FAM107B: variants seen among roughly 807,000 people sequenced by gnomAD.
The protein encoded by FAM107B is family with sequence similarity 107 member B.
In FAM107B, 21 loss-of-function variants were observed where a neutral mutation model predicts 31.5. The ratio of observed to expected loss-of-function variants is 0.67; its 90% CI spans 0.47 to 0.96. FAM107B has a LOEUF of 0.96. FAM107B is among the 40% of genes least tolerant of loss of function. The pLI is 0.00. For missense variants in FAM107B, 452 were observed against 377.1 expected, an observed-to-expected ratio of 1.20 and a Z score of -1.64; for synonymous variants, 157 against 141.5, an observed-to-expected ratio of 1.11 and a Z score of -0.78.
chr10:14,634,749 T>C (rs779482473), intron 2 of FAM107B, among the ~76,000 whole-genome samples: 23 of 152,064 alleles, frequency 1.5e-4, no homozygotes, highest in African/African-American at 1.9e-4. Context: ...ATGCCATCAC[T>C]GTGGGGGTGG....
chr10:14,641,100 C>G (rs138921423), intron 2 of FAM107B, among the ~76,000 whole-genome samples: 2 of 152,140 alleles, frequency 1.3e-5, no homozygotes, highest in Non-Finnish European at 2.9e-5. Flanking sequence ...AAGGGGAAAA[C>G]GTGCTTTCAC....
At chr10:14,734,779 C>T (rs1856259937) in intron 1 of FAM107B, among the ~76,000 whole-genome samples, 1 of 152,122 alleles carries the variant, frequency 6.6e-6, no homozygotes. Flanking sequence ...GAGTCTTGCT[C>T]AGTCACCCAG....
At chr10:14,674,996 A>C (rs1854647740) in intron 1 of FAM107B, among the ~76,000 whole-genome samples, 1 of 152,146 alleles carries the variant, frequency 6.6e-6, no homozygotes, top group African/African-American at 2.4e-5. Flanking sequence ...TTGTCCACGT[A>C]TGTTTTTAAG....
At chr10:14,563,398 T>C (rs1479382642) in intron 2 of FAM107B, among the ~76,000 whole-genome samples, 1 of 152,242 alleles carries the variant, frequency 6.6e-6, no homozygotes, top group Non-Finnish European at 1.5e-5. Flanking sequence ...TACACACCTC[T>C]TTTCATTTTT....
chr10:14,667,720 G>A (rs769050032), intron 1 of FAM107B, 29 bp from the exon 2 acceptor site: 3 of 1,612,730 alleles, frequency 1.9e-6, no homozygotes, highest in South Asian at 2.2e-5. Context: ...AACCAGAAAA[G>A]CAGGGAGAAA....
chr10:14,561,504 CAGCGAAGAGGCCTGACCAGGTA>C (rs1850239779), intron 2 of FAM107B, among the ~76,000 whole-genome samples: 1 of 152,170 alleles, frequency 6.6e-6, no homozygotes, highest in Admixed American at 6.5e-5. Context: ...TAGGTAGGGA[CAGCGAAGAGGCCTGACCAGGTA>C]AGCGGCAGGG....
intron 2 of FAM107B, among the ~76,000 whole-genome samples, chr10:14,661,102 C>A (rs1854227034): frequency 6.6e-6 from 1 of 152,226 alleles, no homozygotes; most frequent in Non-Finnish European, 1.5e-5. Context: ...TCACCTTCTG[C>A]CACAACTGTA....
In FAM107B at chr10:14,629,389, ATAATATATAT is replaced by A. The variant is rs1564606701; in HGVS notation, c.469+38235_469+38244del. On this transcript the variant is annotated intron_variant, in intron 2 of 4. Coordinates refer to ENST00000181796, the MANE Select transcript of FAM107B (RefSeq NM_031453.4). The stretch of plus-strand genomic sequence containing the variant: ...TATATATTTAATATATATAATATAT[ATAATATATAT>A]TATATATTTAATATATATAATATAT... Among the ~76,000 whole-genome samples the A allele has an allele frequency of 3.0e-5, 2 of 67,462 alleles. 1 individual carries two copies. The highest frequency in any genetic ancestry group is 1.3e-4 in the African/African-American group (2 of 15,222). The allele number at this position is 67,462 out of a possible 152,430, so 44.3% of individuals were successfully genotyped here.
chr10:14,563,911 T>C (rs1409465363), intron 2 of FAM107B, among the ~76,000 whole-genome samples: 1 of 152,188 alleles, frequency 6.6e-6, no homozygotes. Flanking sequence ...TGGTTTTCAC[T>C]TTAAAAAATC....
intron 2 of FAM107B, among the ~76,000 whole-genome samples, chr10:14,563,936 T>A (rs1376650460): frequency 1.3e-5 from 2 of 151,922 alleles, no homozygotes; most frequent in East Asian, 3.9e-4. Flanking sequence ...AAGAGATAAA[T>A]AAAACAATGT....
At chr10:14,709,216 C>T (rs761891024) in intron 1 of FAM107B, among the ~76,000 whole-genome samples, 16 of 152,136 alleles carry the variant, frequency 1.1e-4, no homozygotes, top group Non-Finnish European at 2.2e-4. Context: ...TGACTGGAAA[C>T]GTATGTCCAC....
chr10:14,585,498 G>A (rs933061106), intron 2 of FAM107B, among the ~76,000 whole-genome samples: 6 of 152,206 alleles, frequency 3.9e-5, no homozygotes, highest in African/African-American at 1.4e-4. Context: ...GCCAGGAAAA[G>A]CAAGTACAGT....
intron 1 of FAM107B, among the ~76,000 whole-genome samples, chr10:14,709,917 G>C (rs568098162): frequency 1.7e-4 from 26 of 152,232 alleles, no homozygotes; most frequent in Middle Eastern, 3.4e-3. Context: ...TGGGATATAG[G>C]GGGGAGGAGA....
chr10:14,541,734 G>T (rs1272474307), intron 2 of FAM107B, among the ~76,000 whole-genome samples: 4 of 152,170 alleles, frequency 2.6e-5, no homozygotes, highest in Admixed American at 2.0e-4. Context: ...ACCTCTGAGT[G>T]ACTTCCATCC....
chr10:14,667,797 T>A, intron 1 of FAM107B, 106 bp from the exon 2 acceptor site: 3 of 1,168,656 alleles, frequency 2.6e-6, no homozygotes, highest in Non-Finnish European at 3.7e-6. Context: ...AGATCAAGAC[T>A]TGAAAAACTT....
intron 2 of FAM107B, among the ~76,000 whole-genome samples, chr10:14,622,653 G>A (rs1449454125): frequency 6.6e-6 from 1 of 152,148 alleles, no homozygotes; most frequent in Non-Finnish European, 1.5e-5. Flanking sequence ...CATCTAAGCA[G>A]CACATTAAAG....
chr10:14,673,816 G>A (rs1405230458), intron 1 of FAM107B, among the ~76,000 whole-genome samples: 1 of 152,138 alleles, frequency 6.6e-6, no homozygotes, highest in African/African-American at 2.4e-5. Flanking sequence ...TTGAACTGGG[G>A]TGAGATGATA....
chr10:14,593,562 C>T (rs1336984518), intron 2 of FAM107B, among the ~76,000 whole-genome samples: 4 of 151,978 alleles, frequency 2.6e-5, no homozygotes, highest in East Asian at 1.9e-4. Context: ...GGCACAGTGG[C>T]GGGCACCTGT....
intron 1 of FAM107B, among the ~76,000 whole-genome samples, chr10:14,714,461 C>G (rs1855736557): frequency 6.6e-6 from 1 of 152,202 alleles, no homozygotes; most frequent in African/African-American, 2.4e-5. Context: ...TGGCTGGAAC[C>G]AGGAGAGCCG....
Sources: allele counts gnomAD v4.1 joint callset (sites outside exome capture counted in the v4.1 genomes callset), GRCh38; gene constraint gnomAD v4.1.1; transcripts MANE v1.5; gene names NCBI Gene and HGNC (gene_info 2026-07-23, HGNC 2026-07-21).